The following TRPM6 variants were observed in gnomAD, a reference collection of about 807,000 sequenced individuals.
TRPM6 encodes transient receptor potential cation channel subfamily M member 6, also known as channel kinase 2.
A neutral mutation model predicts 247.6 loss-of-function variants in TRPM6; 111 were observed. The observed-to-expected ratio is 0.45, with a 90% CI of 0.38 to 0.52. TRPM6 has a LOEUF of 0.52. TRPM6 is among the 20% of genes least tolerant of loss of function. The pLI is 0.00. For synonymous variants in TRPM6, 892 were observed against 853.8 expected (o/e 1.04, Z -0.78); for missense variants, 2,126 against 2,421.5 (o/e 0.88, Z 2.56).
chr9:74,834,900 T>A (rs1829673168), intron 5 of TRPM6, among the ~76,000 whole-genome samples: 1 of 152,094 alleles, frequency 6.6e-6, no homozygotes, highest in South Asian at 2.1e-4. Flanking sequence ...TAAACATACG[T>A]GTGCATGTGT....
chr9:74,851,763 A>T (rs10869446), intron 3 of TRPM6, among the ~76,000 whole-genome samples: 131,353 of 139,132 alleles, frequency 0.94, 62,026 homozygotes, highest in Admixed American at 0.95. Context: ...AAAAAAAAAA[A>T]ATATATATAT....
At chr9:74,795,746 G>A (rs567287929) in intron 18 of TRPM6, among the ~76,000 whole-genome samples, 7 of 152,294 alleles carry the variant, frequency 4.6e-5, no homozygotes, top group African/African-American at 1.2e-4. Flanking sequence ...CACAGGTCAT[G>A]TTTTCAAGAG....
intron 31 of TRPM6, among the ~76,000 whole-genome samples, chr9:74,745,571 G>A (rs758575592): frequency 2.0e-5 from 3 of 152,082 alleles, no homozygotes; most frequent in Non-Finnish European, 4.4e-5. Context: ...TCTCTCATAA[G>A]GTGAAATTTG....
At chr9:74,851,605 C>T (rs962539223) in intron 3 of TRPM6, among the ~76,000 whole-genome samples, 4 of 151,460 alleles carry the variant, frequency 2.6e-5, no homozygotes, top group African/African-American at 9.7e-5. Context: ...ACAAATTAGC[C>T]AGGCGTGGTG....
chr9:74,845,688 C>T (rs1830087301), intron 3 of TRPM6, among the ~76,000 whole-genome samples: 1 of 151,806 alleles, frequency 6.6e-6, no homozygotes, highest in Middle Eastern at 3.4e-3. Flanking sequence ...AAAAAATTAG[C>T]CCTGTGTGGT....
intron 27 of TRPM6, among the ~76,000 whole-genome samples, chr9:74,758,528 A>G (rs1728926825): frequency 6.6e-6 from 1 of 152,170 alleles, no homozygotes; most frequent in African/African-American, 2.4e-5. Context: ...AATCAAAAGG[A>G]GAAATATCTG....
Position 74,724,696 on chromosome 9 carries a change from G to A in TRPM6, c.5986C>T (p.Leu1996Phe). 6.2e-7 allele frequency: 1 copy of A among 1,614,150 alleles called. No individual in the cohort carries two copies. Among genetic ancestry groups the A allele is most frequent in the Non-Finnish European group, 8.5e-7 (1 of 1,180,024 alleles). ...SPERINSTFGLEIKIESAEEP... is the reference protein window; with the variant it reads ...SPERINSTFGFEIKIESAEEP... Reference sequence around the variant, plus strand: ...TCAGCTGATTCTATTTTTATCTCAAGTCCAAAGGTGGAATTTATCCTTTCA... The same window carrying A: ...TCAGCTGATTCTATTTTTATCTCAAATCCAAAGGTGGAATTTATCCTTTCA... Residue 1996 changes from leucine (L) to phenylalanine (F), a missense_variant, in exon 39 of 39, where the codon CTT becomes TTT. By Grantham distance (22) the Leu-to-Phe change is conservative. Around this residue, in one of 3 missense-constraint regions of TRPM6, gnomAD observed 327 missense variants for 397.7 expected, o/e 0.82. Transcript: ENST00000360774.
chr9:74,877,957 C>T (rs1640661149), intron 1 of TRPM6, among the ~76,000 whole-genome samples: 1 of 152,134 alleles, frequency 6.6e-6, no homozygotes, highest in African/African-American at 2.4e-5. Context: ...TGTCCAACTC[C>T]ATCCCACCCA....
intron 23 of TRPM6, among the ~76,000 whole-genome samples, chr9:74,779,932 G>A (rs1827363103): frequency 6.6e-6 from 1 of 152,182 alleles, no homozygotes; most frequent in Non-Finnish European, 1.5e-5. Flanking sequence ...CCAGCACTTT[G>A]GGAGGCCAAG....
At chr9:74,869,750 G>A (rs1415304698) in intron 1 of TRPM6, among the ~76,000 whole-genome samples, 1 of 152,134 alleles carries the variant, frequency 6.6e-6, no homozygotes, top group Non-Finnish European at 1.5e-5. Context: ...CAAAAAGAGA[G>A]AGAATGAAGA....
rs749718432 is a variant in TRPM6 at position 74,732,689 on chromosome 9, T to C, written c.5824A>G (p.Lys1942Glu). The C allele has an allele frequency of 2.5e-6, 4 of 1,605,880 alleles. No homozygotes were observed. The highest frequency in any genetic ancestry group is 3.3e-4 in the Middle Eastern group (2 of 6,042). The part of the protein sequence containing the change: ...TDPSVIKPEV[K>E]QSRGMVFGPA... ...ATAACACATAAATTAACTTACTGTT[T>C]GACTTCAGGTTTTATAACAGATGGA... Residue 1942 changes from lysine to glutamate, a missense_variant, in exon 37 of 39, where the codon AAA becomes GAA. This residue lies in a region of TRPM6 where 327 missense variants were observed against 397.7 expected (regional missense o/e 0.82). Transcript: ENST00000360774.
At chr9:74,879,397 T>C (rs908458048) in intron 1 of TRPM6, among the ~76,000 whole-genome samples, 2 of 151,998 alleles carry the variant, frequency 1.3e-5, no homozygotes, top group East Asian at 1.9e-4. Flanking sequence ...TGGATATATA[T>C]AGGGTTTTAC....
rs56331140 is a variant in TRPM6, at chr9:74,762,450, G to T, written c.4221C>A (p.His1407Gln). 1 of 1,614,128 alleles carries T rather than the reference G, an allele frequency of 6.2e-7. No individual in the cohort carries two copies. Among genetic ancestry groups the T allele is most frequent in the Non-Finnish European group, 8.5e-7 (1 of 1,180,032 alleles). ...CATCCAGTAAGTGAGCAATAGGCTC[G>T]TGCTTTTCCTTGGGTTCATCCACTG... is the stretch of plus-strand genomic sequence containing the variant. ...WASVDEPKEK[H>Q]EPIAHLLDGQ... The change falls in exon 26 of 39, where the codon CAC (histidine) becomes CAA (glutamine). Residue 1407 changes from histidine (H) to glutamine (Q), a missense_variant. Physicochemically the swap from His to Gln is conservative, Grantham distance 24. Transcript: ENST00000360774.
chr9:74,733,440 C>T (rs1825592228), intron 36 of TRPM6, among the ~76,000 whole-genome samples: 1 of 152,124 alleles, frequency 6.6e-6, no homozygotes, highest in Non-Finnish European at 1.5e-5. Flanking sequence ...GGTGTGTTCA[C>T]AGTTACTGAT....
chr9:74,765,725 G>C (rs1038866497), intron 25 of TRPM6, among the ~76,000 whole-genome samples: 1 of 152,168 alleles, frequency 6.6e-6, no homozygotes, highest in African/African-American at 2.4e-5. Context: ...TCCCAAAATA[G>C]TGTTAGACTT....
intron 24 of TRPM6, among the ~76,000 whole-genome samples, chr9:74,773,591 G>T (rs1450284410): frequency 1.3e-5 from 2 of 152,274 alleles, no homozygotes; most frequent in African/African-American, 4.8e-5. Flanking sequence ...TTTTAAGCAA[G>T]TTTATAATAC....
Position 74,762,629 on chromosome 9 carries a change from G to T in TRPM6, c.4042C>A (p.Pro1348Thr). The T allele has an allele frequency of 6.2e-7, 1 of 1,614,166 alleles. No individual in the cohort carries two copies. The highest frequency in any genetic ancestry group is 8.5e-7 in the Non-Finnish European group (1 of 1,180,022). Reference protein sequence around the residue: ...HSKYGQFLLVPSNLKRVPFSA... With the variant: ...HSKYGQFLLVTSNLKRVPFSA... ...AAAGGAACTCGCTTTAGATTAGAGG[G>T]GACCAGAAGAAACTGGCCATACTTT... The change falls in exon 26 of 39, where the codon CCC becomes ACC. Residue 1348 changes from proline (P) to threonine (T), a missense_variant. This residue lies in a region of TRPM6 where 717 missense variants were observed against 715.9 expected (regional missense o/e 1.00). Transcript: ENST00000360774.
At chr9:74,887,551 C>G in intron 1 of TRPM6, 1 of 1,422,182 alleles carries the variant, frequency 7.0e-7, no homozygotes. Context: ...GGTTTCCGCT[C>G]TGACACCACC....
Position 74,842,178 on chromosome 9 carries a change from G to A in TRPM6, c.318C>T (p.Thr106=). 6.2e-7 allele frequency: 1 copy of A among 1,613,866 alleles called. No homozygotes were observed. Among genetic ancestry groups the A allele is most frequent in the Non-Finnish European group, 8.5e-7 (1 of 1,179,982 alleles). Residue 106 remains threonine (T), a synonymous_variant, in exon 4 of 39, where the codon ACC becomes ACT. Coordinates refer to ENST00000360774, the MANE Select transcript of TRPM6 (RefSeq NM_017662.5). ...GTINFQDGEH[T]HHAKYIRTSY... ...GTTATTAGCAAACCTTGGCATGATGGGTGTGCTCTCCATCTTGGAAATTAA... is the reference window on the plus strand; with the variant it reads ...GTTATTAGCAAACCTTGGCATGATGAGTGTGCTCTCCATCTTGGAAATTAA...
Sources: gnomAD v4.1 joint callset for allele counts (sites outside exome capture counted in the v4.1 genomes callset) on GRCh38, gnomAD v4.1.1 for gene constraint, gnomAD v4.1.1 regional missense constraint, MANE v1.5 for transcripts, NCBI Gene and HGNC (gene_info 2026-07-23, HGNC 2026-07-21) for gene names.